EFNA2: variants seen among roughly 807,000 people sequenced by gnomAD.
EFNA2 encodes the protein ephrin-A2.
EFNA2 carries 18 observed loss-of-function variants against 19.7 expected under a neutral mutation model. The ratio of observed to expected loss-of-function variants is 0.91; its 90% CI spans 0.63 to 1.35. The LOEUF is 1.35. Among genes scored for constraint, EFNA2 ranks in the 40% most tolerant of loss-of-function variants. EFNA2 has a pLI of 0.00. For missense variants in EFNA2, 303 were observed against 296.0 expected, an observed-to-expected ratio of 1.02 and a Z score of -0.17; for synonymous variants, 187 against 137.8, an observed-to-expected ratio of 1.36 and a Z score of -2.50.
At position 1,287,953 on chromosome 19, in the gene EFNA2, C is replaced by T. The variant is rs942700631; in HGVS notation, c.140+1645C>T. ...TGCCACAGGGCTGTGGGCTGCGGGC[C>T]GGACCCCCGGCCAGGGGAAGGAAGT... On this transcript the variant is annotated intron_variant, in intron 1 of 3. Coordinates refer to ENST00000215368, the MANE Select transcript of EFNA2 (RefSeq NM_001405.4). The surrounding 1 kb of genome is among the most constrained non-coding windows in gnomAD (Gnocchi z 6.2). Among the ~76,000 whole-genome samples the T allele has an allele frequency of 3.3e-5, 5 of 152,240 alleles. No homozygotes were observed. Among genetic ancestry groups the T allele is most frequent in the Non-Finnish European group, 5.9e-5 (4 of 68,038 alleles).
rs1950440140 is a variant in EFNA2 at position 1,294,291 on chromosome 19, G to GGGCTCCT, written c.141-1252_141-1246dup. On this transcript the variant is annotated intron_variant, in intron 1 of 3. Transcript: ENST00000215368. This position sits in a 1 kb window ranked among gnomAD's most constrained non-coding sequence, Gnocchi z 5.8. ...TGGGGACCACAGCCGGGAGATCTAA[G>GGGCTCCT]GGCTCCTGCCGCCATCGCCCGAGGC... Among the ~76,000 whole-genome samples, 1 of 152,208 alleles carries GGGCTCCT rather than the reference G, an allele frequency of 6.6e-6. No individual in the cohort carries two copies. Among genetic ancestry groups the GGGCTCCT allele is most frequent in the African/African-American group, 2.4e-5 (1 of 41,446 alleles).
At chr19:1,288,194 G>A (rs2081475040) in intron 1 of EFNA2, among the ~76,000 whole-genome samples, 1 of 152,258 alleles carries the variant, frequency 6.6e-6, no homozygotes, top group Non-Finnish European at 1.5e-5. Flanking sequence ...AGGGCTGGGT[G>A]AGCACCTTCC....
At chr19:1,284,495 G>C (rs2081454457), upstream of EFNA2, among the ~76,000 whole-genome samples, 1 of 152,232 alleles carries the variant, frequency 6.6e-6, no homozygotes, top group South Asian at 2.1e-4. This position sits in a 1 kb window ranked among gnomAD's most constrained non-coding sequence, Gnocchi z 5.3. Flanking sequence ...TTCTGGAAGA[G>C]CAAGATTTTA....
chr19:1,284,362 G>T (rs1214551276), upstream of EFNA2, among the ~76,000 whole-genome samples: 1 of 152,248 alleles, frequency 6.6e-6, no homozygotes, highest in Non-Finnish European at 1.5e-5. This position sits in a 1 kb window ranked among gnomAD's most constrained non-coding sequence, Gnocchi z 5.3. Context: ...GACCTGGGAC[G>T]TCTGTAGTGG....
intron 3 of EFNA2, 80 bp from the exon 4 acceptor site, chr19:1,299,744 G>A: frequency 4.7e-6 from 7 of 1,494,844 alleles, no homozygotes; most frequent in Non-Finnish European, 6.2e-6. Flanking sequence ...GGGCAGATGT[G>A]CACCCTGAGG....
Position 1,295,064 on chromosome 19 carries a change from T to TGTTGGGGACACTGAGGCAGGAG in EFNA2, c.141-478_141-457dup, listed in dbSNP as rs2081507676. 6.6e-6 allele frequency among the ~76,000 whole-genome samples: 1 copy of TGTTGGGGACACTGAGGCAGGAG among 152,012 alleles called. No homozygotes were observed. On this transcript the variant is annotated intron_variant, in intron 1 of 3. Transcript: ENST00000215368. This position sits in a 1 kb window ranked among gnomAD's most constrained non-coding sequence, Gnocchi z 5.8. ...CTCGCTGCTGGCCCTGCCGTGGGGC[T>TGTTGGGGACACTGAGGCAGGAG]GTTGGGGACACTGAGGCAGGAGGTG...
At position 1,299,911 on chromosome 19, in the gene EFNA2, C is replaced by G; in HGVS notation, c.608C>G (p.Thr203Ser). 5 of 1,605,134 alleles carry G rather than the reference C, an allele frequency of 3.1e-6. No individual in the cohort carries two copies. The highest frequency in any genetic ancestry group is 4.2e-6 in the Non-Finnish European group (5 of 1,179,046). Residue 203 changes from threonine to serine, a missense_variant, in exon 4 of 4, where the codon ACC becomes AGC. Physicochemically the swap from Thr to Ser is moderately conservative, Grantham distance 58 (BLOSUM62 1). Coordinates refer to ENST00000215368, the MANE Select transcript of EFNA2 (RefSeq NM_001405.4). Reference sequence around the variant, plus strand: ...GGCGGCTGCCGCCTCTTCCTCAGCACCATCCCCGTGCTCTGGACCCTCCTG... The same window carrying G: ...GGCGGCTGCCGCCTCTTCCTCAGCAGCATCCCCGTGCTCTGGACCCTCCTG... ...SPGGCRLFLS[T>S]IPVLWTLLGS
In EFNA2 at chr19:1,286,401, C is replaced by T; in HGVS notation, c.140+93C>T. 1 of 544,320 alleles carries T rather than the reference C, an allele frequency of 1.8e-6. No individual in the cohort carries two copies. The highest frequency in any genetic ancestry group is 8.0e-5 in the South Asian group (1 of 12,564). The allele number at this position is 544,320 out of a possible 1,614,324, so 33.7% of individuals were successfully genotyped here. On this transcript the variant is annotated intron_variant, in intron 1 of 3. Coordinates refer to ENST00000215368, the MANE Select transcript of EFNA2 (RefSeq NM_001405.4). The surrounding 1 kb of genome is among the most constrained non-coding windows in gnomAD (Gnocchi z 5.6). ...GCGCCCCCGGAGCTCCGGGCGCCCCCCACGCGCGCGCCGCCGCCGGGATGC... is the reference window on the plus strand; with the variant it reads ...GCGCCCCCGGAGCTCCGGGCGCCCCTCACGCGCGCGCCGCCGCCGGGATGC...
At position 1,301,250 on chromosome 19, in the gene EFNA2, G is replaced by A. The variant is rs1029476169; in HGVS notation, c.*1305G>A. 1.4e-5 allele frequency among the ~76,000 whole-genome samples: 2 copies of A among 148,076 alleles called. No homozygotes were observed. Among genetic ancestry groups the A allele is most frequent in the African/African-American group, 5.0e-5 (2 of 40,398 alleles). ...TTATATATAAATATATATTGTGTAC[G>A]GCCGCCGGCCGGCGGCTCGAGGCAC... On this transcript the variant is annotated 3_prime_UTR_variant, in exon 4 of 4. Coordinates refer to ENST00000215368, the MANE Select transcript of EFNA2 (RefSeq NM_001405.4).
chr19:1,300,466 T>C lies in EFNA2; in HGVS notation c.*521T>C, dbSNP rs2081537367. 6.8e-6 allele frequency among the ~76,000 whole-genome samples: 1 copy of C among 148,104 alleles called. No individual in the cohort carries two copies. Among genetic ancestry groups the C allele is most frequent in the African/African-American group, 2.5e-5 (1 of 40,510 alleles). ...GGGGAACACAGCCGCTCCCCTCTGC[T>C]CTGCACCCCACTCGTGGGGGAACAC... is the stretch of plus-strand genomic sequence containing the variant. On this transcript the variant is annotated 3_prime_UTR_variant, in exon 4 of 4. Coordinates refer to ENST00000215368, the MANE Select transcript of EFNA2 (RefSeq NM_001405.4).
At chr19:1,298,072 C>CAAAAAAA (rs58897953) in intron 2 of EFNA2, among the ~76,000 whole-genome samples, 1 of 49,870 alleles carries the variant, frequency 2.0e-5, no homozygotes, top group Non-Finnish European at 3.9e-5. Context: ...AGCTCCATCA[C>CAAAAAAA]AAAAAAAAAA....
rs923900444 is a variant in EFNA2 at position 1,296,319 on chromosome 19, C to G, written c.454+461C>G. Among the ~76,000 whole-genome samples, 5 of 152,126 alleles carry G rather than the reference C, an allele frequency of 3.3e-5. No individual in the cohort carries two copies. Among genetic ancestry groups the G allele is most frequent in the African/African-American group, 1.2e-4 (5 of 41,420 alleles). ...CGATAGCGAGACCAGGGTGCCCGAGCCCCAGCACACTGATGAGGGAAACTG... is the reference window on the plus strand; with the variant it reads ...CGATAGCGAGACCAGGGTGCCCGAGGCCCAGCACACTGATGAGGGAAACTG... On this transcript the variant is annotated intron_variant, in intron 2 of 3. Transcript: ENST00000215368. This position sits in a 1 kb window ranked among gnomAD's most constrained non-coding sequence, Gnocchi z 4.4.
chr19:1,291,362 G>A (rs1031861660), intron 1 of EFNA2, among the ~76,000 whole-genome samples: 1 of 152,204 alleles, frequency 6.6e-6, no homozygotes, highest in South Asian at 2.1e-4. Context: ...CCATCCCGGG[G>A]ACTGATTTCC....
At position 1,301,046 on chromosome 19, in the gene EFNA2, C is replaced by T. The variant is rs73494700; in HGVS notation, c.*1101C>T. 7.5e-4 allele frequency among the ~76,000 whole-genome samples: 113 copies of T among 150,758 alleles called. No individual in the cohort carries two copies. The highest frequency in any genetic ancestry group is 2.7e-3 in the African/African-American group (111 of 41,002). ...TCGTGTCGTCTGTCAGAGCCCCTCT[C>T]TCAACTCTGTGACCTGATAATGTTT... On this transcript the variant is annotated 3_prime_UTR_variant, in exon 4 of 4. Transcript: ENST00000215368.
At position 1,294,806 on chromosome 19, in the gene EFNA2, C is replaced by A. The variant is rs2081506487; in HGVS notation, c.141-739C>A. 6.6e-6 allele frequency among the ~76,000 whole-genome samples: 1 copy of A among 151,870 alleles called. No individual in the cohort carries two copies. The highest frequency in any genetic ancestry group is 6.5e-5 in the Admixed American group (1 of 15,272). The stretch of plus-strand genomic sequence containing the variant: ...CCCCAGAGCGAGCTGGAATGCCCGA[C>A]CTGTGTCCCCCACGCTGCCCCGGTC... On this transcript the variant is annotated intron_variant, in intron 1 of 3. Transcript: ENST00000215368. The surrounding 1 kb of genome is among the most constrained non-coding windows in gnomAD (Gnocchi z 5.8).
intron 3 of EFNA2, among the ~76,000 whole-genome samples, chr19:1,299,559 T>C (rs369364940): frequency 1.8e-4 from 8 of 45,272 alleles, no homozygotes; most frequent in African/African-American, 7.0e-4. Flanking sequence ...TCTCAAAAAA[T>C]AAATAAATAA....
chr19:1,293,475 C>A (rs2081500619), intron 1 of EFNA2, among the ~76,000 whole-genome samples: 1 of 122,026 alleles, frequency 8.2e-6, no homozygotes, highest in Admixed American at 7.5e-5. Flanking sequence ...GCCGGGAGGA[C>A]CATCCCCTTG....
Position 1,286,323 on chromosome 19 carries a change from G to T in EFNA2, c.140+15G>T. ...AGCAACCCCAGGTGAGCGCGGCCGCGCGCGGGGGGCGCCCGGGGACCCCCC... is the reference window on the plus strand; with the variant it reads ...AGCAACCCCAGGTGAGCGCGGCCGCTCGCGGGGGGCGCCCGGGGACCCCCC... On this transcript the variant is annotated intron_variant, in intron 1 of 3. Transcript: ENST00000215368. This position sits in a 1 kb window ranked among gnomAD's most constrained non-coding sequence, Gnocchi z 5.6. 1.0e-6 allele frequency: 1 copy of T among 989,288 alleles called. No homozygotes were observed. The highest frequency in any genetic ancestry group is 1.2e-6 in the Non-Finnish European group (1 of 833,964). The allele number at this position is 989,288 out of a possible 1,614,324, so 61.3% of individuals were successfully genotyped here. A position where few individuals can be genotyped will look rare whatever the true frequency, so the allele number is the denominator to read the frequency against.
At position 1,286,100 on chromosome 19, in the gene EFNA2, C is replaced by CGGCGGAGGA. The variant is rs1351598982; in HGVS notation, c.-61_-53dup. ...CCCGCCCGCTCGGCGGCGGCGGCGG[C>CGGCGGAGGA]GGCGGAGGAGGCGGAGAAGGCTGGC... is the stretch of plus-strand genomic sequence containing the variant. On this transcript the variant is annotated 5_prime_UTR_variant, in exon 1 of 4. Coordinates refer to ENST00000215368, the MANE Select transcript of EFNA2 (RefSeq NM_001405.4). The surrounding 1 kb of genome is among the most constrained non-coding windows in gnomAD (Gnocchi z 5.6). 2.1e-6 allele frequency: 1 copy of CGGCGGAGGA among 486,832 alleles called. No homozygotes were observed. The highest frequency in any genetic ancestry group is 8.3e-5 in the South Asian group (1 of 12,026). 30.2% of individuals were successfully genotyped at this position (486,832 alleles called of 1,614,324 possible).
Sources: allele counts gnomAD v4.1 joint callset (sites outside exome capture counted in the v4.1 genomes callset), GRCh38; gene constraint gnomAD v4.1.1; non-coding constraint Gnocchi (gnomAD v3.1); transcripts MANE v1.5; gene names NCBI Gene and HGNC (gene_info 2026-07-23, HGNC 2026-07-21).